The following DDAH1 variants were observed in gnomAD, a reference collection of about 807,000 sequenced individuals.
DDAH1 encodes the protein N(G),N(G)-dimethylarginine dimethylaminohydrolase 1.
DDAH1 carries 19 observed loss-of-function variants against 28.8 expected under a neutral mutation model. The observed-to-expected ratio is 0.66, with a 90% confidence interval of 0.46 to 0.97. DDAH1 has a LOEUF of 0.97. Ranked by LOEUF, DDAH1 falls within the 50% of genes least tolerant of loss-of-function variation. The probability of loss-of-function intolerance (pLI) is 0.00; values close to 1 mark genes in which losing one functional copy is unlikely to be tolerated. For synonymous variants in DDAH1, 153 were observed against 154.4 expected (o/e 0.99, Z 0.07); for missense variants, 326 against 375.9 (o/e 0.87, Z 1.10).
chr1:85,385,200 C>T (rs766710208), intron 1 of DDAH1, among the ~76,000 whole-genome samples: 2 of 152,190 alleles, frequency 1.3e-5, no homozygotes, highest in African/African-American at 2.4e-5. Context: ...TGCTGAAGAA[C>T]TCAAAGCCAC....
At chr1:85,382,743 T>G (rs1488703772) in intron 1 of DDAH1, among the ~76,000 whole-genome samples, 4 of 152,176 alleles carry the variant, frequency 2.6e-5, no homozygotes. Context: ...CTGGTTACCT[T>G]AAATTAAAGC....
chr1:85,445,772 A>T (rs979072492), intron 1 of DDAH1, among the ~76,000 whole-genome samples: 1 of 152,026 alleles, frequency 6.6e-6, no homozygotes, highest in Non-Finnish European at 1.5e-5. Flanking sequence ...ATTCCCAGAT[A>T]ATTTTTTTTT....
chr1:85,351,370 A>T (rs1350493267), intron 3 of DDAH1, 136 bp downstream of exon 3: 8 of 703,414 alleles, frequency 1.1e-5, no homozygotes, highest in African/African-American at 1.8e-5. Flanking sequence ...AACTTCTAGT[A>T]AATGTACAAA....
At chr1:85,506,969 G>C (rs992096323) in intron 1 of DDAH1, among the ~76,000 whole-genome samples, 2 of 152,042 alleles carry the variant, frequency 1.3e-5, no homozygotes, top group Non-Finnish European at 2.9e-5. Flanking sequence ...AAAAGAAGAG[G>C]GGGTAGAGGC....
At chr1:85,394,128 C>T (rs1020195424) in intron 1 of DDAH1, among the ~76,000 whole-genome samples, 27 of 152,102 alleles carry the variant, frequency 1.8e-4, no homozygotes, top group African/African-American at 6.0e-4. Flanking sequence ...CACCAAAATT[C>T]GTGTTGAAAT....
chr1:85,349,620 C>T (rs767806372), intron 4 of DDAH1, among the ~76,000 whole-genome samples: 12 of 152,182 alleles, frequency 7.9e-5, no homozygotes, highest in Non-Finnish European at 1.3e-4. Flanking sequence ...GGAGATAATA[C>T]CACCTCTCTC....
chr1:85,570,741 T>C (rs951079849), intron 1 of DDAH1, among the ~76,000 whole-genome samples: 1 of 152,188 alleles, frequency 6.6e-6, no homozygotes, highest in Admixed American at 6.5e-5. Context: ...GTGATGGCAA[T>C]GATCCCATTC....
At chr1:85,566,491 CAAAA>C (rs200302503) in intron 1 of DDAH1, among the ~76,000 whole-genome samples, 1 of 84,728 alleles carries the variant, frequency 1.2e-5, no homozygotes. Flanking sequence ...GACCCCATCT[CAAAA>C]AAAAAAAAAA....
At chr1:85,470,677 A>G (rs1655585499) in intron 2 of DDAH1, among the ~76,000 whole-genome samples, 1 of 152,210 alleles carries the variant, frequency 6.6e-6, no homozygotes, top group Non-Finnish European at 1.5e-5. Context: ...ATTGCTGCAG[A>G]TTGCCTGTTA....
At chr1:85,568,858 G>A (rs1659377494) in intron 1 of DDAH1, among the ~76,000 whole-genome samples, 1 of 152,126 alleles carries the variant, frequency 6.6e-6, no homozygotes, top group South Asian at 2.1e-4. Context: ...CCCCAGTGTG[G>A]GGCAGTGTTC....
At chr1:85,489,732 G>A (rs957370428) in intron 2 of DDAH1, among the ~76,000 whole-genome samples, 1 of 152,046 alleles carries the variant, frequency 6.6e-6, no homozygotes, top group African/African-American at 2.4e-5. Flanking sequence ...AGGTAATGAG[G>A]TTACAAAAAC....
At chr1:85,523,181 C>G (rs1657751097) in intron 1 of DDAH1, among the ~76,000 whole-genome samples, 1 of 152,082 alleles carries the variant, frequency 6.6e-6, no homozygotes, top group Non-Finnish European at 1.5e-5. Flanking sequence ...GTGGAAAATT[C>G]AAAGCTGAGG....
At chr1:85,543,291 A>G (rs767452278) in intron 1 of DDAH1, among the ~76,000 whole-genome samples, 1 of 152,232 alleles carries the variant, frequency 6.6e-6, no homozygotes, top group Non-Finnish European at 1.5e-5. Context: ...TTAAAATTTC[A>G]AACATTTTGT....
At chr1:85,569,432 A>C (rs1158722809) in intron 1 of DDAH1, among the ~76,000 whole-genome samples, 1 of 152,276 alleles carries the variant, frequency 6.6e-6, no homozygotes, top group South Asian at 2.1e-4. Context: ...TGGCCCTAGG[A>C]TGTGGTTCAT....
In DDAH1 at chr1:85,491,043, A is replaced by ACTCTTT. The variant is rs1557686884; in HGVS notation, c.-7+5122_-7+5123insAAAGAG. Among the ~76,000 whole-genome samples the ACTCTTT allele has an allele frequency of 1.3e-4, 10 of 79,340 alleles. 4 individuals are homozygous for ACTCTTT. The highest frequency in any genetic ancestry group is 1.2e-4 in the Non-Finnish European group (5 of 42,166). The allele number at this position is 79,340 out of a possible 152,430, so 52.1% of individuals were successfully genotyped here. ...TCTTCTAATGACAACAGTAACATGT[A>ACTCTTT]TTCTTTTTTTTTTTTTTTTTTTTGA... On this transcript the variant is annotated intron_variant, in intron 2 of 6. Coordinates refer to the DDAH1 transcript ENST00000426972.
chr1:85,319,800 A>C lies in DDAH1; in HGVS notation c.*1652T>G, dbSNP rs1218031096. 6.6e-6 allele frequency: 1 copy of C among 152,240 alleles called. No individual in the cohort carries two copies. The highest frequency in any genetic ancestry group is 6.5e-5 in the Admixed American group (1 of 15,276). The allele number at this position is 152,240 out of a possible 1,614,324, so 9.4% of individuals were successfully genotyped here. ...AGAAAAAAACTTTTGCAAATTTCTG[A>C]CATAAAATAATCAAATAAAAGGGAA... On this transcript the variant is annotated 3_prime_UTR_variant, in exon 6 of 6. Coordinates refer to ENST00000284031, the MANE Select transcript of DDAH1 (RefSeq NM_012137.4).
At position 85,427,091 on chromosome 1, in the gene DDAH1, ATAGT is replaced by A. The variant is rs907019613; in HGVS notation, c.303+37648_303+37651del. ...AAAGTTAAGTGACTTCCACAGGATC[ATAGT>A]TAGTGCCAATTTCCATTTCACCTTT... On this transcript the variant is annotated intron_variant, in intron 1 of 5. Transcript: ENST00000284031. 2.5e-4 allele frequency among the ~76,000 whole-genome samples: 38 copies of A among 152,282 alleles called. 1 individual carries two copies. Among genetic ancestry groups the A allele is most frequent in the African/African-American group, 7.5e-4 (31 of 41,548 alleles).
At chr1:85,393,265 C>T (rs576810450) in intron 1 of DDAH1, among the ~76,000 whole-genome samples, 1 of 152,290 alleles carries the variant, frequency 6.6e-6, no homozygotes, top group South Asian at 2.1e-4. Context: ...GATCAGGAGA[C>T]TGAGGCATAA....
At chr1:85,572,485 C>T (rs1466022654) in intron 1 of DDAH1, among the ~76,000 whole-genome samples, 1 of 152,208 alleles carries the variant, frequency 6.6e-6, no homozygotes, top group East Asian at 1.9e-4. Flanking sequence ...GCACCAATTA[C>T]TGACATCTAG....
Sources: allele counts gnomAD v4.1 joint callset (sites outside exome capture counted in the v4.1 genomes callset), GRCh38; gene constraint gnomAD v4.1.1; transcripts MANE v1.5; gene names NCBI Gene and HGNC (gene_info 2026-07-23, HGNC 2026-07-21).